NCOA2: variants seen among roughly 807,000 people sequenced by gnomAD.
NCOA2 encodes class E basic helix-loop-helix protein 75.
Under a neutral mutation model 145.1 loss-of-function variants are expected in NCOA2, and 21 were observed. The observed-to-expected ratio is 0.14, with a 90% CI of 0.10 to 0.21. The LOEUF is 0.21. Among genes scored for constraint, NCOA2 ranks in the 10% least tolerant of loss-of-function variants. The pLI is 1.00. For missense variants in NCOA2, 1,472 were observed against 1,837.6 expected (o/e 0.80, Z 3.64); for synonymous variants, 619 against 637.5 (o/e 0.97, Z 0.44).
At chr8:70,236,948 A>G (rs1821665594) in intron 2 of NCOA2, among the ~76,000 whole-genome samples, 1 of 152,190 alleles carries the variant, frequency 6.6e-6, no homozygotes, top group Non-Finnish European at 1.5e-5. Context: ...TATCATAACT[A>G]TCTTATTTAT....
At chr8:70,420,376 A>G in the NCOA2 span, among the ~76,000 whole-genome samples, 1 of 152,218 alleles carries the variant, frequency 6.6e-6, no homozygotes, top group Non-Finnish European at 1.5e-5. Context: ...AGTGAGAATC[A>G]TGTCCCCATC....
chr8:70,270,573 T>C (rs577808289), intron 2 of NCOA2, among the ~76,000 whole-genome samples: 1 of 149,300 alleles, frequency 6.7e-6, no homozygotes, highest in Non-Finnish European at 1.5e-5. Context: ...CTGGCGGGGG[T>C]GGGGGGATAG....
chr8:70,145,894 G>C (rs1489593470), intron 12 of NCOA2, among the ~76,000 whole-genome samples: 1 of 152,186 alleles, frequency 6.6e-6, no homozygotes, highest in Non-Finnish European at 1.5e-5. Flanking sequence ...GCCCCCCAAA[G>C]TGCTGGGATT....
Position 70,174,809 on chromosome 8 carries a change from A to AG in NCOA2, c.309dup (p.Ser104LeufsTer18). The AG allele has an allele frequency of 6.2e-7, 1 of 1,613,770 alleles. No homozygotes were observed. The highest frequency in any genetic ancestry group is 8.5e-7 in the Non-Finnish European group (1 of 1,179,708). ...TTGTCGATGACACCCTGCCCTGTAG[A>AG]GGATACATCTGACTTCTGCACTTCA... On this transcript the variant is annotated frameshift_variant, in exon 5 of 23. Coordinates refer to ENST00000452400, the MANE Select transcript of NCOA2 (RefSeq NM_006540.4). LOFTEE classifies it high-confidence loss of function.
intron 14 of NCOA2, among the ~76,000 whole-genome samples, chr8:70,140,363 T>C (rs1810256660): frequency 6.6e-6 from 1 of 152,196 alleles, no homozygotes; most frequent in East Asian, 1.9e-4. Context: ...ATAAATGGTA[T>C]CATATGATGT....
chr8:70,195,505 G>A (rs1442772359), intron 4 of NCOA2, among the ~76,000 whole-genome samples: 1 of 152,142 alleles, frequency 6.6e-6, no homozygotes, highest in East Asian at 1.9e-4. Context: ...AAGGGGTCCT[G>A]AAGCTTAAGC....
At chr8:70,435,644 C>T in the NCOA2 span, among the ~76,000 whole-genome samples, 1 of 150,886 alleles carries the variant, frequency 6.6e-6, no homozygotes, top group Non-Finnish European at 1.5e-5. Context: ...ATGTAAAATA[C>T]CTAGCAAGCC....
intron 1 of NCOA2, among the ~76,000 whole-genome samples, chr8:70,382,682 C>CT (rs527301000): frequency 6.0e-4 from 92 of 152,278 alleles, no homozygotes; most frequent in African/African-American, 1.9e-3. Flanking sequence ...GGAGGCATTT[C>CT]TTTCTTGACA....
chr8:70,305,557 C>G (rs1827822048), intron 1 of NCOA2, among the ~76,000 whole-genome samples: 1 of 152,004 alleles, frequency 6.6e-6, no homozygotes, highest in Non-Finnish European at 1.5e-5. Flanking sequence ...CCAGGACTGC[C>G]CGAGCACAGG....
At chr8:70,190,362 A>G (rs1816549801) in intron 4 of NCOA2, among the ~76,000 whole-genome samples, 1 of 152,236 alleles carries the variant, frequency 6.6e-6, no homozygotes, top group Admixed American at 6.5e-5. Context: ...TCCTTTCTAA[A>G]GAAACTATGA....
At position 70,156,897 on chromosome 8, in the gene NCOA2, G is replaced by C. The variant is rs751520542; in HGVS notation, c.1468C>G (p.His490Asp). Residue 490 changes from histidine to aspartate, a missense_variant, in exon 11 of 23, where the codon CAT becomes GAT. Transcript: ENST00000452400. ...CCAGCCACTCCAGGGCTCATGCGAT[G>C]CCTTGGTGAAAGCATGGAGGTGGGC... Reference protein sequence around the residue: ...GQPTSMLSPRHRMSPGVAGSP... With the variant: ...GQPTSMLSPRDRMSPGVAGSP... 1.2e-6 allele frequency: 2 copies of C among 1,614,016 alleles called. No individual in the cohort carries two copies. The highest frequency in any genetic ancestry group is 1.7e-6 in the Non-Finnish European group (2 of 1,179,894).
rs1217155257 is a variant in NCOA2, at chr8:70,170,514, C to T, written c.364-135G>A. 2.7e-5 allele frequency: 20 copies of T among 735,500 alleles called. No homozygotes were observed. The South Asian group carries it at 4.3e-4, about 16-fold the overall frequency. The allele number at this position is 735,500 out of a possible 1,614,324, so 45.6% of individuals were successfully genotyped here. ...AAAAGAGATCTTTCTCAGCCCTCTCCCAGTTTTCAGGAACAATTAACACAT... is the reference window on the plus strand; with the variant it reads ...AAAAGAGATCTTTCTCAGCCCTCTCTCAGTTTTCAGGAACAATTAACACAT... On this transcript the variant is annotated intron_variant, in intron 5 of 22. Coordinates refer to ENST00000452400, the MANE Select transcript of NCOA2 (RefSeq NM_006540.4).
intron 2 of NCOA2, among the ~76,000 whole-genome samples, chr8:70,231,448 G>C (rs1821123723): frequency 6.6e-6 from 1 of 152,214 alleles, no homozygotes; most frequent in Admixed American, 6.5e-5. Flanking sequence ...GGTTCCACTG[G>C]TGGTCTTCAT....
intron 1 of NCOA2, among the ~76,000 whole-genome samples, chr8:70,347,496 G>GA (rs955188927): frequency 3.5e-4 from 50 of 143,394 alleles, no homozygotes; most frequent in South Asian, 6.6e-4. Context: ...AAAAAAAAAA[G>GA]AAAAAAAAAA....
At chr8:70,320,218 A>C (rs1805934545) in intron 1 of NCOA2, among the ~76,000 whole-genome samples, 1 of 152,102 alleles carries the variant, frequency 6.6e-6, no homozygotes. Flanking sequence ...TCTTGTTTTT[A>C]TATGGAAGCT....
chr8:70,191,135 G>C (rs1011534182), intron 4 of NCOA2, among the ~76,000 whole-genome samples: 1 of 151,998 alleles, frequency 6.6e-6, no homozygotes, highest in African/African-American at 2.4e-5. Context: ...CACTCCAAGG[G>C]TCATTTCAAA....
chr8:70,180,842 G>C (rs1815393691), intron 4 of NCOA2, among the ~76,000 whole-genome samples: 1 of 152,206 alleles, frequency 6.6e-6, no homozygotes, highest in Non-Finnish European at 1.5e-5. Context: ...AAGTTGCTGA[G>C]ATTATTGGCA....
chr8:70,446,481 A>C, the NCOA2 span, among the ~76,000 whole-genome samples: 2 of 152,176 alleles, frequency 1.3e-5, no homozygotes, highest in African/African-American at 4.8e-5. Flanking sequence ...TCCTTTGCCA[A>C]TGACTGTGGC....
intron 1 of NCOA2, 142 bp from the exon 2 acceptor site, chr8:70,296,942 ATC>A (rs1161309583): frequency 6.6e-6 from 1 of 152,252 alleles, no homozygotes; most frequent in Non-Finnish European, 1.5e-5. Flanking sequence ...CATTAATAAC[ATC>A]TCTTATTAAA....
Sources: allele counts gnomAD v4.1 joint callset (sites outside exome capture counted in the v4.1 genomes callset), GRCh38; gene constraint gnomAD v4.1.1; transcripts MANE v1.5; gene names NCBI Gene and HGNC (gene_info 2026-07-23, HGNC 2026-07-21).